Variants in TUSC3 observed in about 807,000 individuals in gnomAD.
TUSC3 encodes the protein dolichyl-diphosphooligosaccharide--protein glycosyltransferase subunit TUSC3.
In TUSC3, 45 loss-of-function variants were observed where a neutral mutation model predicts 44.8. The ratio of observed to expected loss-of-function variants is 1.00; its 90% CI spans 0.79 to 1.29. The LOEUF (loss-of-function observed/expected upper bound fraction) is 1.29. Ranked by LOEUF, TUSC3 falls within the 50% of genes most tolerant of loss-of-function variation. TUSC3 has a pLI of 0.00. For missense variants in TUSC3, 519 were observed against 437.9 expected (o/e 1.19, Z -1.65); for synonymous variants, 212 against 152.9 (o/e 1.39, Z -2.85).
the TUSC3 span, among the ~76,000 whole-genome samples, chr8:15,851,249 CATT>C: frequency 6.6e-6 from 1 of 152,118 alleles, no homozygotes; most frequent in South Asian, 2.1e-4. Flanking sequence ...TTATTCAACA[CATT>C]ATTTATTGAG....
chr8:15,507,124 G>C (rs1243027969), intron 2 of TUSC3, among the ~76,000 whole-genome samples: 3 of 151,776 alleles, frequency 2.0e-5, no homozygotes, highest in African/African-American at 7.3e-5. Context: ...TGATTTTTTT[G>C]GCCAGCCTTC....
At chr8:15,611,271 C>A (rs1804749549) in intron 1 of TUSC3, among the ~76,000 whole-genome samples, 1 of 152,146 alleles carries the variant, frequency 6.6e-6, no homozygotes, top group Non-Finnish European at 1.5e-5. Flanking sequence ...ACTGCAAATC[C>A]CGCCTCCCAG....
intron 1 of TUSC3, among the ~76,000 whole-genome samples, chr8:15,580,822 C>G (rs1487123218): frequency 1.4e-5 from 2 of 142,682 alleles, no homozygotes; most frequent in Non-Finnish European, 3.0e-5. Context: ...CGAGGAGTAT[C>G]TTTGTGGCAT....
chr8:15,639,640 C>G (rs1391127581), intron 2 of TUSC3, among the ~76,000 whole-genome samples: 1 of 152,060 alleles, frequency 6.6e-6, no homozygotes, highest in African/African-American at 2.4e-5. Flanking sequence ...TACAATTCAT[C>G]TTTGTATTAT....
intron 7 of TUSC3, among the ~76,000 whole-genome samples, chr8:15,737,970 G>C (rs905875500): frequency 6.6e-6 from 1 of 152,070 alleles, no homozygotes; most frequent in Non-Finnish European, 1.5e-5. Context: ...TAAGCTAAAC[G>C]ATTCTCAACT....
chr8:15,570,627 A>G (rs906511196), intron 1 of TUSC3, among the ~76,000 whole-genome samples: 6 of 152,064 alleles, frequency 3.9e-5, no homozygotes, highest in Non-Finnish European at 5.9e-5. Context: ...TTTGCTAACT[A>G]TTTTACATGT....
chr8:15,447,749 C>G (rs892282632), intron 1 of TUSC3, among the ~76,000 whole-genome samples: 10 of 150,742 alleles, frequency 6.6e-5, no homozygotes, highest in African/African-American at 2.4e-4. Context: ...TTACCGCCAC[C>G]TCTCTGTAGG....
chr8:15,695,896 G>A (rs531372688), intron 6 of TUSC3, among the ~76,000 whole-genome samples: 14 of 152,216 alleles, frequency 9.2e-5, no homozygotes, highest in African/African-American at 3.1e-4. Context: ...TTTCTCAGCA[G>A]CAAAGCATTC....
At chr8:15,525,819 T>G (rs1801366154) in intron 2 of TUSC3, among the ~76,000 whole-genome samples, 1 of 151,976 alleles carries the variant, frequency 6.6e-6, no homozygotes, top group Non-Finnish European at 1.5e-5. Flanking sequence ...GGTGCAAAAG[T>G]GTGTGCTGGG....
intron 2 of TUSC3, among the ~76,000 whole-genome samples, chr8:15,504,772 C>T (rs1585068916): frequency 6.7e-6 from 1 of 149,948 alleles, no homozygotes; most frequent in African/African-American, 2.5e-5. Context: ...CCTGCCTCAG[C>T]CTCCCTAGTA....
intron 2 of TUSC3, among the ~76,000 whole-genome samples, chr8:15,529,125 GT>G (rs1408342010): frequency 6.6e-6 from 1 of 152,116 alleles, no homozygotes; most frequent in Non-Finnish European, 1.5e-5. Flanking sequence ...ATCATATGCT[GT>G]TTTTTTCTTT....
the TUSC3 span, among the ~76,000 whole-genome samples, chr8:15,796,549 G>C: frequency 2.6e-5 from 4 of 152,210 alleles, no homozygotes; most frequent in South Asian, 8.3e-4. Context: ...CTGCCACTGA[G>C]ATTCAACAGC....
At chr8:15,548,953 G>C (rs893209164) in intron 1 of TUSC3, among the ~76,000 whole-genome samples, 1 of 151,634 alleles carries the variant, frequency 6.6e-6, no homozygotes, top group Non-Finnish European at 1.5e-5. Flanking sequence ...AATTTTCCAT[G>C]TGTTTCTTTT....
chr8:15,694,902 G>A (rs755760043), intron 6 of TUSC3, among the ~76,000 whole-genome samples: 17 of 152,294 alleles, frequency 1.1e-4, no homozygotes, highest in East Asian at 3.9e-4. Context: ...GTTCACTTAC[G>A]CCAGCAGCAG....
intron 3 of TUSC3, among the ~76,000 whole-genome samples, chr8:15,656,046 T>A (rs1807148607): frequency 6.6e-6 from 1 of 152,154 alleles, no homozygotes; most frequent in East Asian, 1.9e-4. Context: ...TACCTGAGAC[T>A]GGCTAATTTA....
chr8:15,560,938 C>G (rs964402347), intron 1 of TUSC3, among the ~76,000 whole-genome samples: 2 of 84,292 alleles, frequency 2.4e-5, no homozygotes, highest in African/African-American at 8.3e-5. Context: ...ACTTCTTTGC[C>G]TTTGGTTTGA....
chr8:15,716,368 TAAA>T (rs201365670), intron 6 of TUSC3, among the ~76,000 whole-genome samples: 17 of 148,860 alleles, frequency 1.1e-4, no homozygotes, highest in African/African-American at 2.5e-5. Context: ...TTAACCAGCT[TAAA>T]AAAAAAAGCC....
intron 3 of TUSC3, among the ~76,000 whole-genome samples, chr8:15,658,186 A>G (rs551842602): frequency 6.6e-6 from 1 of 152,342 alleles, no homozygotes; most frequent in African/African-American, 2.4e-5. Context: ...GAAGAGCACT[A>G]ATGTAGATAA....
chr8:15,518,486 A>G (rs1172583112), intron 2 of TUSC3, among the ~76,000 whole-genome samples: 1 of 152,178 alleles, frequency 6.6e-6, no homozygotes, highest in Non-Finnish European at 1.5e-5. Context: ...ATGGGATATT[A>G]TATTTATTAT....
Sources: gnomAD v4.1 joint callset for allele counts (sites outside exome capture counted in the v4.1 genomes callset) on GRCh38, gnomAD v4.1.1 for gene constraint, MANE v1.5 for transcripts, NCBI Gene and HGNC (gene_info 2026-07-23, HGNC 2026-07-21) for gene names.